IER2: variants seen among roughly 807,000 people sequenced by gnomAD.
IER2 encodes immediate early response 2, also known as immediate early response gene 2 protein.
For missense variants in IER2, 372 were observed against 325.4 expected, an observed-to-expected ratio of 1.14 and a Z score of -1.10; for synonymous variants, 198 against 149.6, an observed-to-expected ratio of 1.32 and a Z score of -2.36.
rs1046737122 is a variant in IER2, at chr19:13,154,884, A to C, written c.*1026A>C. 1 of 166,682 alleles carries C rather than the reference A, an allele frequency of 6.0e-6. No homozygotes were observed. The highest frequency in any genetic ancestry group is 2.4e-5 in the African/African-American group (1 of 41,434). The allele number at this position is 166,682 out of a possible 1,614,324, so 10.3% of individuals were successfully genotyped here. A position where few individuals can be genotyped will look rare whatever the true frequency, so the allele number is the denominator to read the frequency against. ...GTTTTGTTAGAAATGTCAGATAGGA[A>C]AATAAAAACCATTTGAGTAAAAAAG... On this transcript the variant is annotated 3_prime_UTR_variant, in exon 2 of 2. Coordinates refer to ENST00000292433, the MANE Select transcript of IER2 (RefSeq NM_004907.3).
At position 13,153,732 on chromosome 19, in the gene IER2, C is replaced by A; in HGVS notation, c.546C>A (p.Phe182Leu). The change falls in exon 2 of 2, where the codon TTC becomes TTA. Residue 182 changes from phenylalanine to leucine, a missense_variant. Coordinates refer to ENST00000292433, the MANE Select transcript of IER2 (RefSeq NM_004907.3). ...PNLARVLQRR[F>L]SGLLNCSPAA... ...TGGCCCGCGTCCTGCAGAGGCGCTT[C>A]TCCGGCCTCCTGAACTGCAGCCCCG... The A allele has an allele frequency of 6.2e-7, 1 of 1,605,614 alleles. No homozygotes were observed. Among genetic ancestry groups the A allele is most frequent in the East Asian group, 2.2e-5 (1 of 44,696 alleles).
chr19:13,151,748 C>CG (rs2020062755), intron 1 of IER2, among the ~76,000 whole-genome samples: 1 of 151,676 alleles, frequency 6.6e-6, no homozygotes, highest in African/African-American at 2.4e-5. Flanking sequence ...TCCGGCTGCC[C>CG]GGGTCGGGGA....
intron 1 of IER2, chr19:13,151,879 C>T (rs1376179882): frequency 6.6e-6 from 1 of 151,722 alleles, no homozygotes; most frequent in Non-Finnish European, 1.5e-5. Context: ...CGGAAGCGGC[C>T]CGCGCGACTG....
chr19:13,152,585 C>G (rs2020078975), intron 1 of IER2: 2 of 152,272 alleles, frequency 1.3e-5, no homozygotes, highest in African/African-American at 4.8e-5. Flanking sequence ...CTTAACCTAG[C>G]CTGGCACGTT....
At chr19:13,151,485 G>T (rs2020057717) in intron 1 of IER2, among the ~76,000 whole-genome samples, 1 of 149,272 alleles carries the variant, frequency 6.7e-6, no homozygotes, top group South Asian at 2.1e-4. Context: ...AGGGGGCCTT[G>T]TATGGGGGAA....
In IER2 at chr19:13,153,595, C is replaced by A; in HGVS notation, c.409C>A (p.Pro137Thr). Residue 137 changes from proline (P) to threonine (T), a missense_variant, in exon 2 of 2, where the codon CCG (proline) becomes ACG (threonine). By Grantham distance (38) the Pro-to-Thr change is conservative. Transcript: ENST00000292433. ...CGACGGCGGGGACGCTGGACTGGTC[C>A]CGAGCAAGAAAGCCCGTCTGGAAGA... ...LSDGGDAGLV[P>T]SKKARLEEKE... is the part of the protein sequence containing the mutation. The A allele has an allele frequency of 6.2e-7, 1 of 1,607,724 alleles. No homozygotes were observed. Among genetic ancestry groups the A allele is most frequent in the East Asian group, 2.3e-5 (1 of 44,442 alleles).
chr19:13,150,750 G>A lies in IER2; in HGVS notation c.-244+198G>A, dbSNP rs1462780776. 1.3e-5 allele frequency among the ~76,000 whole-genome samples: 2 copies of A among 152,228 alleles called. No individual in the cohort carries two copies. Among genetic ancestry groups the A allele is most frequent in the Admixed American group, 6.5e-5 (1 of 15,274 alleles). ...TCCCTTCTCCCTGCGGGGGCGCGGTGAGGAGCGGGCCTGCTCCTCCGGGGA... is the reference window on the plus strand; with the variant it reads ...TCCCTTCTCCCTGCGGGGGCGCGGTAAGGAGCGGGCCTGCTCCTCCGGGGA... On this transcript the variant is annotated intron_variant, in intron 1 of 1. Transcript: ENST00000292433. This position sits in a 1 kb window ranked among gnomAD's most constrained non-coding sequence, Gnocchi z 4.0.
In IER2 at chr19:13,150,711, G is replaced by C. The variant is rs970116166; in HGVS notation, c.-244+159G>C. On this transcript the variant is annotated intron_variant, in intron 1 of 1. Coordinates refer to ENST00000292433, the MANE Select transcript of IER2 (RefSeq NM_004907.3). The surrounding 1 kb of genome is among the most constrained non-coding windows in gnomAD (Gnocchi z 4.0). ...AGTGTCAGGTTTGGCTAGGGTCTGG[G>C]GGAGAGGTGGTCCTCCCTTCTCCCT... is the stretch of plus-strand genomic sequence containing the variant. Among the ~76,000 whole-genome samples, 2 of 152,188 alleles carry C rather than the reference G, an allele frequency of 1.3e-5. No individual in the cohort carries two copies. The highest frequency in any genetic ancestry group is 2.9e-5 in the Non-Finnish European group (2 of 68,034).
Position 13,153,227 on chromosome 19 carries a change from C to A in IER2, c.41C>A (p.Ser14Ter), listed in dbSNP as rs1248500802. ...GAGGCACAGCGCATCATGACCCTGT[C>A]GGTGTGGAAGATGTATCACTCCCGC... ...QKEAQRIMTLSVWKMYHSRMQ... is the reference protein window; with the variant it reads ...QKEAQRIMTL The change falls in exon 2 of 2, where the codon TCG becomes TAG. Residue 14 changes from serine (S) to a stop codon, truncating the protein, a stop_gained. Transcript: ENST00000292433. LOFTEE classifies it low-confidence loss of function (END_TRUNC). 1 of 1,539,512 alleles carries A rather than the reference C, an allele frequency of 6.5e-7. No homozygotes were observed. The highest frequency in any genetic ancestry group is 2.1e-5 in the Admixed American group (1 of 48,094).
rs765612923 is a variant in IER2, at chr19:13,153,178, C to T, written c.-9C>T. 6.0e-6 allele frequency: 9 copies of T among 1,498,662 alleles called. No individual in the cohort carries two copies. Among genetic ancestry groups the T allele is most frequent in the African/African-American group, 1.4e-5 (1 of 70,096 alleles). The allele number at this position is 1,498,662 out of a possible 1,614,324, so 92.8% of individuals were successfully genotyped here. On this transcript the variant is annotated 5_prime_UTR_variant, in exon 2 of 2. Transcript: ENST00000292433. ...CGGGAGCCCCCGCCGCTGTCGCCGT[C>T]GAGTCGCCATGGAAGTGCAGAAAGA...
At position 13,153,922 on chromosome 19, in the gene IER2, C is replaced by T. The variant is rs1232843571; in HGVS notation, c.*64C>T. ...CGAACCGTCGGCCCGAGGGCGCAGA[C>T]CTGAGGCGAGGCCACCCCCCTCCAT... On this transcript the variant is annotated 3_prime_UTR_variant, in exon 2 of 2. Transcript: ENST00000292433. 4 of 1,341,302 alleles carry T rather than the reference C, an allele frequency of 3.0e-6. No homozygotes were observed. Among genetic ancestry groups the T allele is most frequent in the African/African-American group, 3.1e-5 (2 of 64,050 alleles). 83.1% of individuals were successfully genotyped at this position (1,341,302 alleles called of 1,614,324 possible). A position where few individuals can be genotyped will look rare whatever the true frequency, so the allele number is the denominator to read the frequency against.
chr19:13,153,832 C>G lies in IER2; in HGVS notation c.646C>G (p.Leu216Val). 6.8e-7 allele frequency: 1 copy of G among 1,460,670 alleles called. No homozygotes were observed. The highest frequency in any genetic ancestry group is 1.4e-5 in the South Asian group (1 of 71,106). The allele number at this position is 1,460,670 out of a possible 1,614,324, so 90.5% of individuals were successfully genotyped here. A position where few individuals can be genotyped will look rare whatever the true frequency, so the allele number is the denominator to read the frequency against. Reference protein sequence around the residue: ...CRPADSMLNVLVRAVVAF With the variant: ...CRPADSMLNVVVRAVVAF ...CCCGGCGGACAGCATGCTCAACGTG[C>G]TCGTGCGGGCCGTGGTGGCCTTCTG... Residue 216 changes from leucine to valine, a missense_variant, in exon 2 of 2, where the codon CTC becomes GTC. Transcript: ENST00000292433.
rs1403230674 is a variant in IER2, at chr19:13,153,540, C to T, written c.354C>T (p.Val118=). The change falls in exon 2 of 2, where the codon GTC becomes GTT. Residue 118 remains valine, a synonymous_variant. Transcript: ENST00000292433. ...SACCAPRPAK[V]SRKRRSSSLS... ...GCTGTGCCCCGCGCCCCGCCAAAGTCAGCCGCAAACGACGCAGCAGCAGCC... is the reference window on the plus strand; with the variant it reads ...GCTGTGCCCCGCGCCCCGCCAAAGTTAGCCGCAAACGACGCAGCAGCAGCC... 2.5e-6 allele frequency: 4 copies of T among 1,588,822 alleles called. No homozygotes were observed. The highest frequency in any genetic ancestry group is 3.4e-6 in the Non-Finnish European group (4 of 1,168,138).
rs1022521384 is a variant in IER2, at chr19:13,154,015, G to A, written c.*157G>A. ...CCCGGGCTGCTGAGAGGCCCGGAGA[G>A]GGACTCTGTCCCCGGGGAGCCATCG... is the stretch of plus-strand genomic sequence containing the variant. On this transcript the variant is annotated 3_prime_UTR_variant, in exon 2 of 2. Transcript: ENST00000292433. 1.6e-5 allele frequency: 10 copies of A among 625,102 alleles called. No homozygotes were observed. The highest frequency in any genetic ancestry group is 2.1e-5 in the Non-Finnish European group (8 of 382,330). The allele number at this position is 625,102 out of a possible 1,614,324, so 38.7% of individuals were successfully genotyped here.
At position 13,153,521 on chromosome 19, in the gene IER2, C is replaced by T. The variant is rs1204872686; in HGVS notation, c.335C>T (p.Ala112Val). 5 of 1,582,062 alleles carry T rather than the reference C, an allele frequency of 3.2e-6. No individual in the cohort carries two copies. Among genetic ancestry groups the T allele is most frequent in the South Asian group, 1.1e-5 (1 of 87,850 alleles). ...GCCGAGGAGACCTCCGCCTGCTGTG[C>T]CCCGCGCCCCGCCAAAGTCAGCCGC... ...PTAEETSACC[A>V]PRPAKVSRKR... Residue 112 changes from alanine to valine, a missense_variant, in exon 2 of 2, where the codon GCC becomes GTC. Transcript: ENST00000292433.
rs908648354 is a variant in IER2 at position 13,150,489 on chromosome 19, T to C, written c.-307T>C. The C allele has an allele frequency of 2.2e-5, 7 of 320,756 alleles. No homozygotes were observed. Among genetic ancestry groups the C allele is most frequent in the African/African-American group, 1.6e-4 (7 of 45,006 alleles). The allele number at this position is 320,756 out of a possible 1,614,324, so 19.9% of individuals were successfully genotyped here. A position where few individuals can be genotyped will look rare whatever the true frequency, so the allele number is the denominator to read the frequency against. ...TTCGGGTCCGAGTTCGGAATTTCGG[T>C]TCAAGGCCCAGTTCCTCGGATTGTT... On this transcript the variant is annotated 5_prime_UTR_variant, in exon 1 of 2. Coordinates refer to ENST00000292433, the MANE Select transcript of IER2 (RefSeq NM_004907.3). This position sits in a 1 kb window ranked among gnomAD's most constrained non-coding sequence, Gnocchi z 4.0.
rs2020089283 is a variant in IER2, at chr19:13,153,362, T to A, written c.176T>A (p.Val59Glu). The change falls in exon 2 of 2, where the codon GTG becomes GAG. Residue 59 changes from valine to glutamate, a missense_variant. Transcript: ENST00000292433. ...AAGGTGGAGGCCCTCGAGCCCGAGG[T>A]GTCGTTGCCGGCCGCCCTCCCCTCT... is the stretch of plus-strand genomic sequence containing the variant. Reference protein sequence around the residue: ...SAKVEALEPEVSLPAALPSDP... With the variant: ...SAKVEALEPEESLPAALPSDP... 1 of 1,592,754 alleles carries A rather than the reference T, an allele frequency of 6.3e-7. No individual in the cohort carries two copies. The highest frequency in any genetic ancestry group is 8.5e-7 in the Non-Finnish European group (1 of 1,171,184).
At position 13,153,961 on chromosome 19, in the gene IER2, C is replaced by T; in HGVS notation, c.*103C>T. The T allele has an allele frequency of 9.4e-7, 1 of 1,064,944 alleles. No homozygotes were observed. Among genetic ancestry groups the T allele is most frequent in the Non-Finnish European group, 1.3e-6 (1 of 783,168 alleles). The allele number at this position is 1,064,944 out of a possible 1,614,324, so 66.0% of individuals were successfully genotyped here. On this transcript the variant is annotated 3_prime_UTR_variant, in exon 2 of 2. Coordinates refer to ENST00000292433, the MANE Select transcript of IER2 (RefSeq NM_004907.3). ...ACCCCCCTCCATCCTGGGGGAAGCG[C>T]CCGCGAAAACCGTGGAGAGAAGCCG...
In IER2 at chr19:13,151,801, G is replaced by GCCC. The variant is rs71168668; in HGVS notation, c.-243-1135_-243-1133dup. Among the ~76,000 whole-genome samples the GCCC allele has an allele frequency of 1.6e-3, 192 of 116,744 alleles. 4 individuals carry two copies. The highest frequency in any genetic ancestry group is 4.9e-3 in the Middle Eastern group (1 of 206). The allele number at this position is 116,744 out of a possible 152,430, so 76.6% of individuals were successfully genotyped here. A position where few individuals can be genotyped will look rare whatever the true frequency, so the allele number is the denominator to read the frequency against. ...GGAGCGCAAAGCCCCGCCCCTCCGC[G>GCCC]CCCCCCCCCCGGAAGCCCCGCCGCC... On this transcript the variant is annotated intron_variant, in intron 1 of 1. Transcript: ENST00000292433.
Sources: allele counts gnomAD v4.1 joint callset (sites outside exome capture counted in the v4.1 genomes callset), GRCh38; gene constraint gnomAD v4.1.1; non-coding constraint Gnocchi (gnomAD v3.1); transcripts MANE v1.5; gene names NCBI Gene and HGNC (gene_info 2026-07-23, HGNC 2026-07-21).